PEPD: variants seen among roughly 807,000 people sequenced by gnomAD.
PEPD encodes xaa-Pro dipeptidase.
Under a neutral mutation model 60.7 loss-of-function variants are expected in PEPD, and 53 were observed. The ratio of observed to expected loss-of-function variants is 0.87; its 90% confidence interval spans 0.70 to 1.10. The LOEUF (loss-of-function observed/expected upper bound fraction) is 1.10, where lower values mean the gene tolerates loss of function less well. PEPD is among the 50% of genes least tolerant of loss of function. The pLI, the probability that PEPD is intolerant of heterozygous loss-of-function variation, is 0.00. For missense variants in PEPD, 711 were observed against 711.9 expected (o/e 1.00, Z 0.01); for synonymous variants, 267 against 284.1 (o/e 0.94, Z 0.60).
At chr19:33,499,701 A>G (rs1366193453) in intron 4 of PEPD, among the ~76,000 whole-genome samples, 1 of 152,166 alleles carries the variant, frequency 6.6e-6, no homozygotes, top group Non-Finnish European at 1.5e-5. Context: ...GGCTGCTACA[A>G]GGCTGGTGCA....
At chr19:33,507,760 C>T (rs980237833) in intron 3 of PEPD, among the ~76,000 whole-genome samples, 1 of 152,144 alleles carries the variant, frequency 6.6e-6, no homozygotes, top group Non-Finnish European at 1.5e-5. Context: ...CTGGCCACTC[C>T]CCAGCTCCAG....
chr19:33,466,631 C>A (rs1243713931), intron 7 of PEPD, among the ~76,000 whole-genome samples: 3 of 151,946 alleles, frequency 2.0e-5, no homozygotes, highest in African/African-American at 7.3e-5. Flanking sequence ...CATCACAATA[C>A]CCAGGTAAGA....
At chr19:33,391,004 C>T (rs897150170) in intron 13 of PEPD, among the ~76,000 whole-genome samples, 1 of 152,184 alleles carries the variant, frequency 6.6e-6, no homozygotes, top group African/African-American at 2.4e-5. Context: ...GGGCCCCATG[C>T]ACCGTATCCT....
At chr19:33,431,210 G>A (rs1568467889) in intron 9 of PEPD, among the ~76,000 whole-genome samples, 4 of 151,186 alleles carry the variant, frequency 2.6e-5, no homozygotes, top group South Asian at 2.1e-4. Flanking sequence ...GAGAGAGGGA[G>A]GGAGGGAAGG....
At chr19:33,421,514 AG>A (rs1969018528) in intron 9 of PEPD, among the ~76,000 whole-genome samples, 1 of 152,288 alleles carries the variant, frequency 6.6e-6, no homozygotes, top group African/African-American at 2.4e-5. Context: ...TTTTAGAGAA[AG>A]GGTTTCACTC....
At chr19:33,444,062 C>T (rs1261443975) in intron 9 of PEPD, among the ~76,000 whole-genome samples, 1 of 152,164 alleles carries the variant, frequency 6.6e-6, no homozygotes. Context: ...CACTTACGTT[C>T]GTACATGGGT....
intron 9 of PEPD, among the ~76,000 whole-genome samples, chr19:33,445,546 A>G (rs1296536618): frequency 1.3e-5 from 2 of 152,200 alleles, no homozygotes; most frequent in Admixed American, 6.5e-5. Flanking sequence ...GCATGAGGAC[A>G]TGGCAAGAAG....
chr19:33,521,631 G>A, intron 1 of PEPD, 113 bp downstream of exon 1: 3 of 1,162,688 alleles, frequency 2.6e-6, no homozygotes, highest in South Asian at 1.3e-5. Context: ...GGGAAGAGGC[G>A]CCTACCCGCG....
chr19:33,488,800 G>A (rs1425388651), intron 6 of PEPD, among the ~76,000 whole-genome samples: 1 of 152,066 alleles, frequency 6.6e-6, no homozygotes, highest in African/African-American at 2.4e-5. Flanking sequence ...AGCAGCTTGG[G>A]CTCATACATA....
chr19:33,458,018 A>G (rs140122402), intron 9 of PEPD, among the ~76,000 whole-genome samples: 6 of 152,188 alleles, frequency 3.9e-5, no homozygotes, highest in Admixed American at 2.6e-4. Flanking sequence ...TGGTATGTCA[A>G]TGGGTGTGGT....
chr19:33,428,161 C>T (rs73588232), intron 9 of PEPD, among the ~76,000 whole-genome samples: 1,789 of 152,316 alleles, frequency 0.012, 36 homozygotes, highest in African/African-American at 0.04. Flanking sequence ...TGAAGCATCT[C>T]GCCAGCGCCA....
rs950432790 is a variant in PEPD, at chr19:33,494,285, G to A, written c.394-948C>T. On this transcript the variant is annotated intron_variant, in intron 4 of 14. Coordinates refer to ENST00000244137, the MANE Select transcript of PEPD (RefSeq NM_000285.4). The stretch of plus-strand genomic sequence containing the variant: ...TATCCTAACTCTTTACACCCGAAAC[G>A]CAGGGGGAGAGTGAGGAGAACTTGT... 3.9e-5 allele frequency among the ~76,000 whole-genome samples: 6 copies of A among 152,292 alleles called. 1 individual carries two copies. Among genetic ancestry groups the A allele is most frequent in the South Asian group, 4.1e-4 (2 of 4,826 alleles).
chr19:33,467,364 TTTAGAG>T (rs1216579212), intron 7 of PEPD, among the ~76,000 whole-genome samples: 1 of 151,770 alleles, frequency 6.6e-6, no homozygotes, highest in African/African-American at 2.4e-5. Context: ...TTTTTAACCT[TTTAGAG>T]TTAATGTCTC....
intron 9 of PEPD, among the ~76,000 whole-genome samples, chr19:33,462,339 C>T (rs1272368840): frequency 4.6e-5 from 7 of 152,198 alleles, no homozygotes; most frequent in Non-Finnish European, 1.0e-4. Context: ...TGGGAGGTCT[C>T]GGAATGGGGG....
intron 6 of PEPD, among the ~76,000 whole-genome samples, chr19:33,482,524 C>T (rs1970328529): frequency 6.6e-6 from 1 of 152,198 alleles, no homozygotes; most frequent in African/African-American, 2.4e-5. Context: ...AAGCTTTCCC[C>T]TAAGATGAGG....
chr19:33,478,152 T>C (rs1455580338), intron 6 of PEPD, 62 bp from the exon 7 acceptor site: 1 of 1,106,882 alleles, frequency 9.0e-7, no homozygotes, highest in East Asian at 2.5e-5. Context: ...CAGCAAGAAC[T>C]ACCTCATTCA....
At chr19:33,426,304 T>C (rs1346808605) in intron 9 of PEPD, among the ~76,000 whole-genome samples, 1 of 152,268 alleles carries the variant, frequency 6.6e-6, no homozygotes, top group African/African-American at 2.4e-5. Flanking sequence ...GGCATTTTTC[T>C]GTTTTGTCTT....
chr19:33,425,963 C>T (rs540787512), intron 9 of PEPD, among the ~76,000 whole-genome samples: 2 of 152,308 alleles, frequency 1.3e-5, no homozygotes, highest in African/African-American at 4.8e-5. Flanking sequence ...GTGTGCACAA[C>T]CACACCTGGC....
chr19:33,427,938 G>A lies in PEPD; in HGVS notation c.672-14295C>T, dbSNP rs76024879. Reference sequence around the variant, plus strand: ...TCCCGGAGATCCGTGCAGCAGTGACGGTGCCTGTAGGCAACCCATACCCCC... The same window carrying A: ...TCCCGGAGATCCGTGCAGCAGTGACAGTGCCTGTAGGCAACCCATACCCCC... On this transcript the variant is annotated intron_variant, in intron 9 of 14. Transcript: ENST00000244137. Among the ~76,000 whole-genome samples, 848 of 152,252 alleles carry A rather than the reference G, an allele frequency of 5.6e-3. 9 individuals are homozygous for A. Among genetic ancestry groups the A allele is most frequent in the African/African-American group, 0.019 (805 of 41,540 alleles).
Sources: gnomAD v4.1 joint callset for allele counts (sites outside exome capture counted in the v4.1 genomes callset) on GRCh38, gnomAD v4.1.1 for gene constraint, MANE v1.5 for transcripts, NCBI Gene and HGNC (gene_info 2026-07-23, HGNC 2026-07-21) for gene names.